The following GRIK3 variants were observed in gnomAD, a reference collection of about 807,000 sequenced individuals.
GRIK3 encodes the protein glutamate ionotropic receptor kainate type subunit 3.
In GRIK3, 29 loss-of-function variants were observed where a neutral mutation model predicts 102.5. The ratio of observed to expected loss-of-function variants is 0.28; its 90% CI spans 0.21 to 0.39. The LOEUF (loss-of-function observed/expected upper bound fraction) is 0.39. GRIK3 is among the 10% of genes least tolerant of loss of function. The pLI is 1.00. For missense variants in GRIK3, 908 were observed against 1,252.4 expected (o/e 0.73, Z 4.15); for synonymous variants, 511 against 504.9 (o/e 1.01, Z -0.16).
intron 13 of GRIK3, among the ~76,000 whole-genome samples, chr1:36,816,562 A>G (rs1642633749): frequency 1.3e-5 from 2 of 152,218 alleles, no homozygotes; most frequent in South Asian, 4.2e-4. Flanking sequence ...CAGCATTCCT[A>G]GAGTGTAACA....
intron 1 of GRIK3, among the ~76,000 whole-genome samples, chr1:37,019,660 G>C (rs1642690760): frequency 6.6e-6 from 1 of 152,176 alleles, no homozygotes; most frequent in South Asian, 2.1e-4. Flanking sequence ...GCAGTACACA[G>C]AGTGGGTGCT....
intron 1 of GRIK3, among the ~76,000 whole-genome samples, chr1:36,982,831 G>T (rs1397884764): frequency 1.3e-5 from 2 of 151,656 alleles, no homozygotes; most frequent in African/African-American, 4.8e-5. Flanking sequence ...GGTGGGGGAA[G>T]GAGGGGGAGC....
At chr1:36,919,713 G>A (rs1641445537) in intron 1 of GRIK3, among the ~76,000 whole-genome samples, 1 of 152,220 alleles carries the variant, frequency 6.6e-6, no homozygotes, top group Admixed American at 6.5e-5. Flanking sequence ...GGCTGTCAGT[G>A]GACACATGGT....
chr1:36,885,612 C>T (rs1363956280), intron 2 of GRIK3, among the ~76,000 whole-genome samples: 1 of 152,066 alleles, frequency 6.6e-6, no homozygotes, highest in Admixed American at 6.5e-5. Context: ...ATTGCTTTTC[C>T]CTGGCCTCTC....
At chr1:37,019,005 A>T (rs1351267583) in intron 1 of GRIK3, among the ~76,000 whole-genome samples, 1 of 152,162 alleles carries the variant, frequency 6.6e-6, no homozygotes, top group Non-Finnish European at 1.5e-5. Flanking sequence ...ACCCTCCAAG[A>T]ACAGCCATGT....
chr1:36,953,791 G>A (rs1192187969), intron 1 of GRIK3, among the ~76,000 whole-genome samples: 1 of 152,090 alleles, frequency 6.6e-6, no homozygotes, highest in East Asian at 1.9e-4. Context: ...TGCTCAGAGG[G>A]GATGCTCACA....
intron 1 of GRIK3, among the ~76,000 whole-genome samples, chr1:36,935,949 C>T (rs994896649): frequency 6.6e-6 from 1 of 152,190 alleles, no homozygotes; most frequent in African/African-American, 2.4e-5. Flanking sequence ...AAAGAAGATG[C>T]TGTTGCCATG....
At chr1:37,031,893 C>T (rs1642832212) in intron 1 of GRIK3, among the ~76,000 whole-genome samples, 3 of 152,196 alleles carry the variant, frequency 2.0e-5, no homozygotes, top group African/African-American at 7.2e-5. Flanking sequence ...CAGGAGTCTC[C>T]AGAGGCCTCA....
chr1:36,807,691 A>C (rs1642515914), intron 13 of GRIK3, among the ~76,000 whole-genome samples: 1 of 152,120 alleles, frequency 6.6e-6, no homozygotes, highest in Non-Finnish European at 1.5e-5. Context: ...TAGAGACCCA[A>C]ACATGTCCTG....
intron 1 of GRIK3, among the ~76,000 whole-genome samples, chr1:36,962,678 AC>A (rs1642025930): frequency 6.6e-6 from 1 of 151,766 alleles, no homozygotes. Flanking sequence ...ACAGAAGTGA[AC>A]AAAAAGTCAG....
intron 1 of GRIK3, among the ~76,000 whole-genome samples, chr1:36,987,013 TCC>T (rs1642313807): frequency 6.6e-6 from 1 of 152,060 alleles, no homozygotes. Context: ...TCCTAGCACA[TCC>T]ATTTAGGGGA....
chr1:37,008,808 A>C (rs1642558375), intron 1 of GRIK3, among the ~76,000 whole-genome samples: 1 of 152,228 alleles, frequency 6.6e-6, no homozygotes, highest in South Asian at 2.1e-4. Context: ...AATGCCAGGG[A>C]GATGAATGGT....
intron 5 of GRIK3, among the ~76,000 whole-genome samples, chr1:36,864,013 T>G (rs1168981463): frequency 1.3e-5 from 2 of 152,198 alleles, no homozygotes; most frequent in African/African-American, 4.8e-5. Flanking sequence ...TTGTTATTAT[T>G]TTAATGGCAC....
intron 1 of GRIK3, among the ~76,000 whole-genome samples, chr1:36,893,691 T>C (rs1403126867): frequency 6.6e-6 from 1 of 152,198 alleles, no homozygotes; most frequent in Non-Finnish European, 1.5e-5. Context: ...ATTTGATATC[T>C]AGAAATGGAC....
In GRIK3 at chr1:36,980,884, G is replaced by C. The variant is rs148991011; in HGVS notation, c.115+53110C>G. The stretch of plus-strand genomic sequence containing the variant: ...GAACTGCCTTGCCCTTTTATTTACA[G>C]ATGAGGAAACTAAAGCTCCCAGTAT... On this transcript the variant is annotated intron_variant, in intron 1 of 15. Coordinates refer to ENST00000373091, the MANE Select transcript of GRIK3 (RefSeq NM_000831.4). Among the ~76,000 whole-genome samples, 3 of 152,264 alleles carry C rather than the reference G, an allele frequency of 2.0e-5. No homozygotes were observed. The East Asian group carries it at 5.8e-4, about 29-fold the overall frequency.
intron 1 of GRIK3, among the ~76,000 whole-genome samples, chr1:37,023,077 T>C (rs1019600605): frequency 2.0e-5 from 3 of 152,220 alleles, no homozygotes; most frequent in African/African-American, 7.2e-5. Flanking sequence ...GTCTGTAATC[T>C]GAGCACTTTG....
At chr1:36,926,287 T>C (rs1044178050) in intron 1 of GRIK3, among the ~76,000 whole-genome samples, 5 of 152,220 alleles carry the variant, frequency 3.3e-5, no homozygotes, top group East Asian at 1.9e-4. Flanking sequence ...GGAAAGGCAA[T>C]TGGGGAGGTG....
intron 1 of GRIK3, among the ~76,000 whole-genome samples, chr1:37,001,589 T>C (rs1642477141): frequency 6.6e-6 from 1 of 152,028 alleles, no homozygotes; most frequent in Non-Finnish European, 1.5e-5. Context: ...TTTGTGGGAA[T>C]AGACTGAGTT....
At chr1:36,821,185 T>G (rs1642692175) in intron 11 of GRIK3, among the ~76,000 whole-genome samples, 1 of 152,252 alleles carries the variant, frequency 6.6e-6, no homozygotes, top group Non-Finnish European at 1.5e-5. Context: ...GGAAAGAATT[T>G]TATTTTCATG....
Sources: allele counts gnomAD v4.1 joint callset (sites outside exome capture counted in the v4.1 genomes callset), GRCh38; gene constraint gnomAD v4.1.1; transcripts MANE v1.5; gene names NCBI Gene and HGNC (gene_info 2026-07-23, HGNC 2026-07-21).